Variants in NBEA observed in about 807,000 individuals in gnomAD.
NBEA encodes neurobeachin, also known as lysosomal-trafficking regulator 2.
NBEA carries 44 observed loss-of-function variants against 343.4 expected under a neutral mutation model. The observed-to-expected ratio is 0.13, with a 90% CI of 0.10 to 0.16. The LOEUF (loss-of-function observed/expected upper bound fraction) is 0.16. Ranked by LOEUF, NBEA falls within the 10% of genes least tolerant of loss-of-function variation. NBEA has a pLI of 1.00. For synonymous variants in NBEA, 1,175 were observed against 1,238.7 expected, an observed-to-expected ratio of 0.95 and a Z score of 1.08; for missense variants, 2,555 against 3,631.3, an observed-to-expected ratio of 0.70 and a Z score of 7.62.
chr13:35,359,135 A>C (rs1238179732), intron 38 of NBEA, among the ~76,000 whole-genome samples: 1 of 152,208 alleles, frequency 6.6e-6, no homozygotes, highest in Non-Finnish European at 1.5e-5. Context: ...CAGGAGAATA[A>C]CATGATCTGA....
At chr13:35,271,860 A>T (rs538183558) in intron 34 of NBEA, among the ~76,000 whole-genome samples, 24 of 152,360 alleles carry the variant, frequency 1.6e-4, no homozygotes, top group Admixed American at 1.4e-3. Flanking sequence ...ACTATGTGAA[A>T]AGACCAACTC....
chr13:35,259,365 G>A (rs949557434), intron 34 of NBEA, among the ~76,000 whole-genome samples: 3 of 152,160 alleles, frequency 2.0e-5, no homozygotes, highest in Admixed American at 1.3e-4. Context: ...TTTGTTAACA[G>A]GTATCATTTT....
At position 35,644,011 on chromosome 13, in the gene NBEA, G is replaced by T. The variant is rs140830021; in HGVS notation, c.7618-1858G>T. Among the ~76,000 whole-genome samples the T allele has an allele frequency of 9.2e-5, 14 of 152,284 alleles. No individual in the cohort carries two copies. The East Asian group carries it at 2.7e-3, about 29-fold the overall frequency. ...AACGTTTTAGTAATGACAAGAAGTA[G>T]AACTTAAAGGAGACAGCATGCTTTT... On this transcript the variant is annotated intron_variant, in intron 49 of 58. Transcript: ENST00000379939.
intron 4 of NBEA, among the ~76,000 whole-genome samples, chr13:35,047,764 C>T (rs563779048): frequency 5.0e-5 from 3 of 60,590 alleles, no homozygotes; most frequent in East Asian, 3.9e-4. Flanking sequence ...ATGGAAGGTC[C>T]GTGTTGTATT....
intron 23 of NBEA, 57 bp from the exon 24 acceptor site, chr13:35,164,295 TTGTC>T: frequency 7.2e-7 from 1 of 1,397,734 alleles, no homozygotes; most frequent in Non-Finnish European, 9.5e-7. Flanking sequence ...GTTATTCTAA[TTGTC>T]TAAGCTTTTC....
At chr13:35,445,788 A>T (rs1438215927) in intron 39 of NBEA, among the ~76,000 whole-genome samples, 1 of 61,702 alleles carries the variant, frequency 1.6e-5, no homozygotes, top group Non-Finnish European at 3.2e-5. Context: ...ATGTTTATAT[A>T]TATATATATA....
intron 48 of NBEA, among the ~76,000 whole-genome samples, chr13:35,614,590 G>A (rs1280726545): frequency 6.6e-6 from 1 of 152,182 alleles, no homozygotes; most frequent in African/African-American, 2.4e-5. Flanking sequence ...CTCTGATAGG[G>A]AGTGACTTTA....
rs2075870288 is a variant in NBEA at position 35,476,347 on chromosome 13, GCTGCT to G, written c.6585+3812_6585+3816del. 41 of 1,109,354 alleles carry G rather than the reference GCTGCT, an allele frequency of 3.7e-5. No individual in the cohort carries two copies. The South Asian group carries it at 5.6e-4, about 15-fold the overall frequency. The allele number at this position is 1,109,354 out of a possible 1,614,324, so 68.7% of individuals were successfully genotyped here. ...TGCTGCTGCTGCTGCTGCTGCTGCT[GCTGCT>G]GCTTTTCCCTTCCTTTTATCTTTGA... is the stretch of plus-strand genomic sequence containing the variant. On this transcript the variant is annotated intron_variant, in intron 41 of 58. Coordinates refer to ENST00000379939, the MANE Select transcript of NBEA (RefSeq NM_001385012.1).
intron 40 of NBEA, among the ~76,000 whole-genome samples, chr13:35,469,702 C>T (rs1462749733): frequency 1.3e-5 from 2 of 152,030 alleles, no homozygotes; most frequent in African/African-American, 2.4e-5. Context: ...ACAGTCATTC[C>T]TCAACTCACT....
At chr13:35,098,779 A>G (rs2065467814) in intron 11 of NBEA, among the ~76,000 whole-genome samples, 1 of 152,068 alleles carries the variant, frequency 6.6e-6, no homozygotes, top group Admixed American at 6.6e-5. Context: ...AACTTTCTAA[A>G]TTGTGTGCTG....
intron 41 of NBEA, among the ~76,000 whole-genome samples, chr13:35,500,909 A>G (rs2076863623): frequency 2.0e-5 from 3 of 152,196 alleles, no homozygotes; most frequent in African/African-American, 7.2e-5. Flanking sequence ...TGTCCATACC[A>G]TCAAGATATA....
At chr13:35,081,258 A>C (rs1156290915) in intron 10 of NBEA, among the ~76,000 whole-genome samples, 1 of 151,984 alleles carries the variant, frequency 6.6e-6, no homozygotes, top group Non-Finnish European at 1.5e-5. Flanking sequence ...AATCCTAGCT[A>C]TTTATTATTT....
rs566313232 is a variant in NBEA, at chr13:35,368,228, A to G, written c.6179+15905A>G. Reference sequence around the variant, plus strand: ...ATATTAATAATAAAGCTTTCTTCCCAGGTAAATTCCAGCTATTTCTAATTT... The same window carrying G: ...ATATTAATAATAAAGCTTTCTTCCCGGGTAAATTCCAGCTATTTCTAATTT... On this transcript the variant is annotated intron_variant, in intron 38 of 58. Transcript: ENST00000379939. 2.0e-5 allele frequency among the ~76,000 whole-genome samples: 3 copies of G among 151,764 alleles called. No individual in the cohort carries two copies. In the East Asian group the frequency reaches 5.8e-4, roughly 29 times the overall value.
At chr13:35,665,856 G>C (rs1322799431) in intron 56 of NBEA, among the ~76,000 whole-genome samples, 1 of 152,152 alleles carries the variant, frequency 6.6e-6, no homozygotes, top group Non-Finnish European at 1.5e-5. Context: ...TTTAACTCCT[G>C]ACCTCAGGTG....
intron 38 of NBEA, among the ~76,000 whole-genome samples, chr13:35,352,668 T>A (rs187087793): frequency 6.6e-6 from 1 of 152,060 alleles, no homozygotes; most frequent in African/African-American, 2.4e-5. Flanking sequence ...TCTTTTAGAG[T>A]CAACTCTTCC....
At chr13:35,246,786 A>G (rs553340590) in intron 34 of NBEA, among the ~76,000 whole-genome samples, 7 of 152,180 alleles carry the variant, frequency 4.6e-5, no homozygotes, top group South Asian at 2.1e-4. Flanking sequence ...TCAAGAGAGC[A>G]TCAGCTGTGA....
intron 36 of NBEA, among the ~76,000 whole-genome samples, chr13:35,323,773 T>TC (rs1353929107): frequency 6.6e-6 from 1 of 152,196 alleles, no homozygotes; most frequent in East Asian, 1.9e-4. Context: ...TATTATTTTT[T>TC]CTCTTCTGAG....
intron 41 of NBEA, among the ~76,000 whole-genome samples, chr13:35,548,431 T>C (rs2079161836): frequency 6.6e-6 from 1 of 152,166 alleles, no homozygotes; most frequent in Non-Finnish European, 1.5e-5. Flanking sequence ...AAAATATGAC[T>C]CTGTGTGTGT....
At chr13:35,659,914 G>A (rs765418291) in intron 55 of NBEA, among the ~76,000 whole-genome samples, 9 of 152,138 alleles carry the variant, frequency 5.9e-5, no homozygotes, top group Admixed American at 1.3e-4. Flanking sequence ...ATTAATTTGC[G>A]CACTTTAATT....
Sources: gnomAD v4.1 joint callset for allele counts (sites outside exome capture counted in the v4.1 genomes callset) on GRCh38, gnomAD v4.1.1 for gene constraint, MANE v1.5 for transcripts, NCBI Gene and HGNC (gene_info 2026-07-23, HGNC 2026-07-21) for gene names.